The following KTN1 variants were observed in gnomAD, a reference collection of about 807,000 sequenced individuals.
KTN1 encodes kinectin.
KTN1 carries 130 observed loss-of-function variants against 222.5 expected under a neutral mutation model. That is an observed-to-expected ratio of 0.58 (90% CI 0.51 to 0.68). The LOEUF (loss-of-function observed/expected upper bound fraction) is 0.68. Among genes scored for constraint, KTN1 ranks in the 30% least tolerant of loss-of-function variants. The probability of loss-of-function intolerance (pLI) is 0.00; values close to 1 mark genes in which losing one functional copy is unlikely to be tolerated. For missense variants in KTN1, 1,508 were observed against 1,500.4 expected (o/e 1.01, Z -0.08); for synonymous variants, 512 against 496.3 (o/e 1.03, Z -0.42).
intron 1 of KTN1, among the ~76,000 whole-genome samples, chr14:55,590,960 C>G (rs1032442393): frequency 5.9e-5 from 9 of 152,208 alleles, no homozygotes; most frequent in Admixed American, 5.2e-4. Context: ...AGGCATGAGC[C>G]ACCATGCCCG....
At chr14:55,659,337 T>G (rs2043857751) in intron 30 of KTN1, among the ~76,000 whole-genome samples, 2 of 151,460 alleles carry the variant, frequency 1.3e-5, no homozygotes, top group African/African-American at 4.8e-5. Context: ...ACTTGGAAGC[T>G]TAACAGTTTT....
At chr14:55,635,139 T>C (rs2140949470) in intron 9 of KTN1, among the ~76,000 whole-genome samples, 1 of 152,254 alleles carries the variant, frequency 6.6e-6, no homozygotes, top group South Asian at 2.1e-4. Context: ...GTTTGAAGCT[T>C]AATGGGACCT....
At chr14:55,653,744 C>A in intron 28 of KTN1, 148 bp downstream of exon 28, 1 of 561,750 alleles carries the variant, frequency 1.8e-6, no homozygotes. Flanking sequence ...TAGGCTAAGT[C>A]TCTGTTGGGT....
chr14:55,595,930 G>T (rs1004886377), intron 1 of KTN1, among the ~76,000 whole-genome samples: 1 of 151,918 alleles, frequency 6.6e-6, no homozygotes, highest in Non-Finnish European at 1.5e-5. Flanking sequence ...CGAGGTGGGC[G>T]GATCATGAGG....
chr14:55,673,183 G>C lies in KTN1; in HGVS notation c.3699G>C (p.Leu1233=). 1 of 1,612,428 alleles carries C rather than the reference G, an allele frequency of 6.2e-7. No individual in the cohort carries two copies. Among genetic ancestry groups the C allele is most frequent in the Non-Finnish European group, 8.5e-7 (1 of 1,178,830 alleles). The change falls in exon 40 of 44, where the codon CTG becomes CTC. Residue 1233 remains leucine, a synonymous_variant. Transcript: ENST00000395314. The part of the protein sequence containing the change: ...YVTEVRELKD[L]LTELQKKLDD... ...AAACTTCATTGCAGCTGAAAGATCTGTTGACTGAATTGCAGAAAAAACTTG... is the reference window on the plus strand; with the variant it reads ...AAACTTCATTGCAGCTGAAAGATCTCTTGACTGAATTGCAGAAAAAACTTG...
chr14:55,663,877 C>T, intron 32 of KTN1, 78 bp from the exon 33 acceptor site: 3 of 975,708 alleles, frequency 3.1e-6, no homozygotes, highest in Admixed American at 2.0e-5. Flanking sequence ...AAATGCAGTG[C>T]AAAATACTGA....
At chr14:55,647,407 G>A (rs2042473620) in intron 19 of KTN1, among the ~76,000 whole-genome samples, 1 of 151,920 alleles carries the variant, frequency 6.6e-6, no homozygotes, top group East Asian at 2.0e-4. Context: ...GGCTGAGGCG[G>A]GTGGATCACC....
chr14:55,637,445 G>C (rs567196535), intron 11 of KTN1, 81 bp downstream of exon 11: 1 of 973,798 alleles, frequency 1.0e-6, no homozygotes, highest in South Asian at 2.0e-5. Flanking sequence ...AGAGACTAAA[G>C]TCTACCTTAT....
Position 55,619,242 on chromosome 14 carries a change from A to C in KTN1, c.893A>C (p.Glu298Ala), listed in dbSNP as rs1192664357. The change falls in exon 5 of 44, where the codon GAA becomes GCA. Residue 298 changes from glutamate (E) to alanine (A), a missense_variant. Physicochemically the swap from Glu to Ala is moderately radical, Grantham distance 107 (BLOSUM62 -1). Coordinates refer to ENST00000395314, the MANE Select transcript of KTN1 (RefSeq NM_001079521.2). ...LLSLKTMMFS[E>A]DEALCVVDLL... ...TCCTTGAAGACTATGATGTTTTCTG[A>C]AGATGAGGCTCTTTGTGTTGTAGAC... 2.7e-5 allele frequency: 43 copies of C among 1,610,526 alleles called. No homozygotes were observed. The highest frequency in any genetic ancestry group is 3.6e-5 in the Non-Finnish European group (42 of 1,176,982).
Position 55,672,681 on chromosome 14 carries a change from G to A in KTN1, c.3583G>A (p.Glu1195Lys), listed in dbSNP as rs889896581. The change falls in exon 38 of 44, where the codon GAA becomes AAA. Residue 1195 changes from glutamate to lysine, a missense_variant. Physicochemically the swap from Glu to Lys is moderately conservative, Grantham distance 56. Coordinates refer to ENST00000395314, the MANE Select transcript of KTN1 (RefSeq NM_001079521.2). ...ACAAGAGCTAGAGCGATTAAGAAGC[G>A]AAAATAAGGATATTGAAAATGTATG... ...SEQELERLRS[E>K]NKDIENLRRE... 2 of 1,597,118 alleles carry A rather than the reference G, an allele frequency of 1.3e-6. No individual in the cohort carries two copies. The highest frequency in any genetic ancestry group is 1.7e-6 in the Non-Finnish European group (2 of 1,165,338).
intron 7 of KTN1, among the ~76,000 whole-genome samples, chr14:55,631,517 A>T (rs2040536097): frequency 6.6e-6 from 1 of 151,914 alleles, no homozygotes; most frequent in South Asian, 2.1e-4. Flanking sequence ...TTCTATGGCT[A>T]GGTGCCGTGG....
intron 29 of KTN1, among the ~76,000 whole-genome samples, chr14:55,658,331 A>G (rs1469080228): frequency 1.3e-5 from 2 of 152,282 alleles, no homozygotes; most frequent in African/African-American, 4.8e-5. Context: ...TCTGGATTCT[A>G]TTTTGTTCCA....
intron 1 of KTN1, among the ~76,000 whole-genome samples, chr14:55,585,288 A>G (rs1481209691): frequency 6.6e-6 from 1 of 152,178 alleles, no homozygotes; most frequent in Non-Finnish European, 1.5e-5. Context: ...TGCTTGGTGG[A>G]AGGAATGATG....
At chr14:55,651,393 A>G (rs2042922372) in intron 24 of KTN1, 1 of 454,934 alleles carries the variant, frequency 2.2e-6, no homozygotes, top group Non-Finnish European at 4.4e-6. Flanking sequence ...CAGACTGTGT[A>G]TGATTAAGAA....
At chr14:55,646,618 C>T (rs909709094) in intron 18 of KTN1, among the ~76,000 whole-genome samples, 3 of 147,342 alleles carry the variant, frequency 2.0e-5, no homozygotes, top group South Asian at 4.3e-4. Context: ...TTTGGACTTG[C>T]GAGGTCTTAG....
intron 11 of KTN1, 111 bp from the exon 12 acceptor site, chr14:55,637,668 T>TA (rs904846056): frequency 0.1 from 60,513 of 579,816 alleles, no homozygotes; most frequent in East Asian, 0.13. Context: ...AAGAATGCCT[T>TA]AAAAAAAAAA....
At position 55,648,108 on chromosome 14, in the gene KTN1, A is replaced by T. The variant is rs2042577773; in HGVS notation, c.2291A>T (p.Glu764Val). The T allele has an allele frequency of 3.3e-6, 5 of 1,526,442 alleles. No individual in the cohort carries two copies. The highest frequency in any genetic ancestry group is 2.4e-5 in the East Asian group (1 of 42,416). The allele number at this position is 1,526,442 out of a possible 1,614,324, so 94.6% of individuals were successfully genotyped here. The change falls in exon 20 of 44, where the codon GAG (glutamate) becomes GTG (valine). Residue 764 changes from glutamate to valine, a missense_variant. Physicochemically the swap from Glu to Val is moderately radical, Grantham distance 121. Transcript: ENST00000395314. ...GLIQVATKEE[E>V]LNAIRTENSS... ...ATTCAGGTGGCAACTAAAGAAGAGGAGCTGAATGTAAAGCATTTTGTAGTT... is the reference window on the plus strand; with the variant it reads ...ATTCAGGTGGCAACTAAAGAAGAGGTGCTGAATGTAAAGCATTTTGTAGTT...
At chr14:55,667,876 T>C (rs2044998760) in intron 34 of KTN1, 1 of 151,624 alleles carries the variant, frequency 6.6e-6, no homozygotes, top group Admixed American at 6.6e-5. Context: ...TGAATGTGCA[T>C]GTGAGTTTCC....
chr14:55,651,942 T>A lies in KTN1; in HGVS notation c.2603+15T>A. ...CTTCAGAACTTGTAAGTACCATTTATCTCATTTCCTTTTACTATTTCTTTT... is the reference window on the plus strand; with the variant it reads ...CTTCAGAACTTGTAAGTACCATTTAACTCATTTCCTTTTACTATTTCTTTT... On this transcript the variant is annotated intron_variant, in intron 25 of 43. Coordinates refer to ENST00000395314, the MANE Select transcript of KTN1 (RefSeq NM_001079521.2). 6.7e-7 allele frequency: 1 copy of A among 1,493,852 alleles called. No individual in the cohort carries two copies. 92.5% of individuals were successfully genotyped at this position (1,493,852 alleles called of 1,614,324 possible). A position where few individuals can be genotyped will look rare whatever the true frequency, so the allele number is the denominator to read the frequency against.
Sources: gnomAD v4.1 joint callset for allele counts (sites outside exome capture counted in the v4.1 genomes callset) on GRCh38, gnomAD v4.1.1 for gene constraint, MANE v1.5 for transcripts, NCBI Gene and HGNC (gene_info 2026-07-23, HGNC 2026-07-21) for gene names.